LRP1B: variants seen among roughly 807,000 people sequenced by gnomAD.
The protein encoded by LRP1B is LDL receptor related protein 1B.
LRP1B carries 217 observed loss-of-function variants against 556.6 expected under a neutral mutation model. The observed-to-expected ratio is 0.39, with a 90% CI of 0.35 to 0.44. The LOEUF is 0.44. Among genes scored for constraint, LRP1B ranks in the 20% least tolerant of loss-of-function variants. The pLI, the probability that LRP1B is intolerant of heterozygous loss-of-function variation, is 1.00. For missense variants in LRP1B, 5,053 were observed against 5,620.8 expected, an observed-to-expected ratio of 0.90 and a Z score of 3.23; for synonymous variants, 2,047 against 1,865.8, an observed-to-expected ratio of 1.10 and a Z score of -2.50.
intron 66 of LRP1B, among the ~76,000 whole-genome samples, chr2:140,406,635 A>G (rs1270229013): frequency 6.6e-6 from 1 of 152,142 alleles, no homozygotes; most frequent in East Asian, 1.9e-4. Context: ...TACTTAATAA[A>G]GGAGGTGAAA....
intron 43 of LRP1B, among the ~76,000 whole-genome samples, chr2:140,584,131 T>G (rs2105145492): frequency 6.6e-6 from 1 of 152,244 alleles, no homozygotes; most frequent in South Asian, 2.1e-4. Context: ...AAATTCATGT[T>G]AGTTTTCTTA....
intron 2 of LRP1B, among the ~76,000 whole-genome samples, chr2:141,544,692 G>T (rs1006945496): frequency 1.3e-5 from 2 of 151,704 alleles, no homozygotes; most frequent in Non-Finnish European, 2.9e-5. Context: ...TTGGGACAGG[G>T]TCTCACGTTG....
chr2:141,050,144 C>T (rs1203966596), intron 10 of LRP1B, among the ~76,000 whole-genome samples: 7 of 151,522 alleles, frequency 4.6e-5, no homozygotes, highest in African/African-American at 1.7e-4. Flanking sequence ...TGGATAACAA[C>T]ACAATAATTG....
At chr2:140,850,546 T>C (rs2105118946) in intron 28 of LRP1B, among the ~76,000 whole-genome samples, 1 of 152,274 alleles carries the variant, frequency 6.6e-6, no homozygotes, top group Admixed American at 6.5e-5. Flanking sequence ...TCATTTTTCT[T>C]TAGCTAGAAA....
intron 3 of LRP1B, among the ~76,000 whole-genome samples, chr2:141,363,320 A>T (rs764727872): frequency 2.0e-5 from 3 of 152,196 alleles, no homozygotes; most frequent in Non-Finnish European, 2.9e-5. Context: ...TGAGCTTTAG[A>T]ATATTTTATT....
chr2:141,675,396 A>G (rs1690836878), intron 2 of LRP1B, among the ~76,000 whole-genome samples: 2 of 151,850 alleles, frequency 1.3e-5, no homozygotes, highest in Admixed American at 6.6e-5. Flanking sequence ...ATCTTTGTAA[A>G]ATTTCAATAC....
chr2:142,116,114 G>T (rs575445213), intron 1 of LRP1B, among the ~76,000 whole-genome samples: 1 of 141,626 alleles, frequency 7.1e-6, no homozygotes, highest in Non-Finnish European at 1.5e-5. Flanking sequence ...CTACTCAAGA[G>T]CCTGGGAGGA....
At chr2:140,947,305 T>C (rs921975270) in intron 20 of LRP1B, among the ~76,000 whole-genome samples, 1 of 152,214 alleles carries the variant, frequency 6.6e-6, no homozygotes, top group Non-Finnish European at 1.5e-5. Flanking sequence ...CCTCCTTTAC[T>C]ATTAAAAGTC....
At chr2:141,044,859 T>G (rs1480723761) in intron 11 of LRP1B, among the ~76,000 whole-genome samples, 1 of 151,486 alleles carries the variant, frequency 6.6e-6, no homozygotes, top group Non-Finnish European at 1.5e-5. Flanking sequence ...GAAGTCAGTG[T>G]GGCGATTCCT....
rs375548611 is a variant in LRP1B, at chr2:141,587,797, A to C, written c.206-107264T>G. Among the ~76,000 whole-genome samples the C allele has an allele frequency of 4.6e-5, 7 of 152,224 alleles. No individual in the cohort carries two copies. The East Asian group carries it at 7.7e-4, about 17-fold the overall frequency. The stretch of plus-strand genomic sequence containing the variant: ...CTCATGTAATTAACATGTATAACAA[A>C]ACAAGAAAAAACAGTGAAGAAAGAA... On this transcript the variant is annotated intron_variant, in intron 2 of 90. Coordinates refer to ENST00000389484, the MANE Select transcript of LRP1B (RefSeq NM_018557.3).
chr2:141,229,513 T>C, intron 5 of LRP1B, 73 bp from the exon 6 acceptor site: 2 of 1,136,794 alleles, frequency 1.8e-6, no homozygotes, highest in Non-Finnish European at 2.5e-6. Context: ...CCCTAGTTAT[T>C]GAAAGCTATT....
chr2:140,303,074 T>C (rs67921274), intron 83 of LRP1B, among the ~76,000 whole-genome samples: 9,535 of 144,150 alleles, frequency 0.066, 380 homozygotes, highest in Middle Eastern at 0.13. Flanking sequence ...CACACATATA[T>C]ATCGGTTCTT....
At chr2:142,071,371 G>A (rs1195608076) in intron 1 of LRP1B, among the ~76,000 whole-genome samples, 1 of 151,840 alleles carries the variant, frequency 6.6e-6, no homozygotes, top group South Asian at 2.1e-4. Context: ...ATAACCAGAG[G>A]GTGATGTCAT....
intron 82 of LRP1B, among the ~76,000 whole-genome samples, chr2:140,320,007 ACTTATTATTTC>A (rs1180805949): frequency 6.6e-6 from 1 of 152,118 alleles, no homozygotes; most frequent in Non-Finnish European, 1.5e-5. Flanking sequence ...AAAATGAATG[ACTTATTATTTC>A]CTTTACCCAC....
At chr2:140,436,531 T>A (rs1021260242) in intron 66 of LRP1B, among the ~76,000 whole-genome samples, 4 of 151,952 alleles carry the variant, frequency 2.6e-5, no homozygotes, top group Non-Finnish European at 5.9e-5. Context: ...CAAATAAGTA[T>A]GGAATGCCGA....
In LRP1B at chr2:141,061,166, T is replaced by C. The variant is rs372760149; in HGVS notation, c.1236+885A>G. ...AGAAAGCACTGGCCCACCTTTAACA[T>C]TGAACAGGTTCCCCCACTCCAACCC... On this transcript the variant is annotated intron_variant, in intron 8 of 90. Coordinates refer to ENST00000389484, the MANE Select transcript of LRP1B (RefSeq NM_018557.3). Among the ~76,000 whole-genome samples, 90 of 151,790 alleles carry C rather than the reference T, an allele frequency of 5.9e-4. 1 individual carries two copies. The South Asian group carries it at 0.017, about 28-fold the overall frequency.
chr2:142,024,923 C>T (rs931577986), intron 1 of LRP1B, among the ~76,000 whole-genome samples: 7 of 151,924 alleles, frequency 4.6e-5, no homozygotes, highest in Admixed American at 1.3e-4. Flanking sequence ...AAAGAGAATA[C>T]AAATAAATAG....
At chr2:141,611,755 G>T (rs1329734312) in intron 2 of LRP1B, among the ~76,000 whole-genome samples, 2 of 152,204 alleles carry the variant, frequency 1.3e-5, no homozygotes, top group Admixed American at 1.3e-4. Flanking sequence ...AAATGTCAAT[G>T]CAAGAGAGCG....
intron 87 of LRP1B, among the ~76,000 whole-genome samples, chr2:140,241,493 A>G (rs931236519): frequency 6.6e-6 from 1 of 150,900 alleles, no homozygotes; most frequent in African/African-American, 2.4e-5. Context: ...CTTGTTCTAC[A>G]GTTTGACATT....
Sources: gnomAD v4.1 joint callset for allele counts (sites outside exome capture counted in the v4.1 genomes callset) on GRCh38, gnomAD v4.1.1 for gene constraint, MANE v1.5 for transcripts, NCBI Gene and HGNC (gene_info 2026-07-23, HGNC 2026-07-21) for gene names.